Variants in DLG2 observed in about 807,000 individuals in gnomAD.
DLG2 encodes disks large homolog 2.
In DLG2, 45 loss-of-function variants were observed where a neutral mutation model predicts 132.5. That is an observed-to-expected ratio of 0.34 (90% confidence interval 0.27 to 0.44). The LOEUF (loss-of-function observed/expected upper bound fraction) is 0.44. Ranked by LOEUF, DLG2 falls within the 20% of genes least tolerant of loss-of-function variation. The pLI is 1.00. For missense variants in DLG2, 1,045 were observed against 1,196.9 expected (o/e 0.87, Z 1.87); for synonymous variants, 424 against 419.6 (o/e 1.01, Z -0.13).
rs545834526 is a variant in DLG2, at chr11:84,521,153, T to C, written c.519+13417A>G. Among the ~76,000 whole-genome samples, 3 of 152,302 alleles carry C rather than the reference T, an allele frequency of 2.0e-5. No homozygotes were observed. The South Asian group carries it at 6.2e-4, about 32-fold the overall frequency. ...ATCAATCTGATGCACACAGTTTAGT[T>C]GGAGAGATTTGGGATGAAGAGAGAG... On this transcript the variant is annotated intron_variant, in intron 7 of 27. Transcript: ENST00000376104.
At chr11:83,701,648 G>A (rs910344655) in intron 18 of DLG2, among the ~76,000 whole-genome samples, 7 of 152,260 alleles carry the variant, frequency 4.6e-5, no homozygotes, top group African/African-American at 1.4e-4. Flanking sequence ...AAAGGAAGTG[G>A]TTGATGTGGA....
At chr11:85,625,752 T>G (rs2081996087) in intron 2 of DLG2, among the ~76,000 whole-genome samples, 1 of 152,224 alleles carries the variant, frequency 6.6e-6, no homozygotes, top group Non-Finnish European at 1.5e-5. Context: ...CATATAAGTT[T>G]TGATTCAAAA....
rs192376747 is a variant in DLG2, at chr11:83,569,946, G to C, written c.1941-28088C>G. 7.5e-4 allele frequency among the ~76,000 whole-genome samples: 114 copies of C among 152,286 alleles called. 1 individual carries two copies. Among genetic ancestry groups the C allele is most frequent in the African/African-American group, 2.5e-3 (102 of 41,564 alleles). On this transcript the variant is annotated intron_variant, in intron 19 of 27. Coordinates refer to ENST00000376104, the MANE Select transcript of DLG2 (RefSeq NM_001142699.3). ...GGGACTAGCTTCATGAGGACATGTT[G>C]AATGAGAGTCAGACTTTCCATCACA... is the stretch of plus-strand genomic sequence containing the variant.
At chr11:84,982,188 T>C (rs565573380) in intron 6 of DLG2, among the ~76,000 whole-genome samples, 1 of 149,736 alleles carries the variant, frequency 6.7e-6, no homozygotes, top group East Asian at 2.0e-4. Flanking sequence ...ATTTCATAAA[T>C]CTATATAATT....
chr11:84,607,728 C>T (rs2099588303), intron 6 of DLG2, among the ~76,000 whole-genome samples: 1 of 151,904 alleles, frequency 6.6e-6, no homozygotes, highest in Non-Finnish European at 1.5e-5. Flanking sequence ...AGGTTATTCT[C>T]ATTTATCTAG....
chr11:85,428,237 G>A (rs544238365), intron 3 of DLG2, among the ~76,000 whole-genome samples: 15 of 152,198 alleles, frequency 9.9e-5, no homozygotes, highest in African/African-American at 3.4e-4. Flanking sequence ...AAGTTAACAA[G>A]GATATCCAGG....
At chr11:85,466,325 T>C (rs1214469182) in intron 3 of DLG2, among the ~76,000 whole-genome samples, 2 of 152,236 alleles carry the variant, frequency 1.3e-5, no homozygotes, top group Admixed American at 6.5e-5. Context: ...TTAGATCCTG[T>C]TTGTCAATTT....
chr11:84,148,168 T>C (rs1055109504), intron 9 of DLG2, among the ~76,000 whole-genome samples: 18 of 152,280 alleles, frequency 1.2e-4, no homozygotes, highest in Middle Eastern at 3.4e-3. Context: ...AAAAAAAATC[T>C]TCTAAATTTG....
At position 83,758,289 on chromosome 11, in the gene DLG2, G is replaced by A. The variant is rs74454572; in HGVS notation, c.1825+28401C>T. On this transcript the variant is annotated intron_variant, in intron 18 of 27. Transcript: ENST00000376104. ...CTTGGTCCCTTTTCAGGCCCCACAC[G>A]TCTTTCCACATCACATCCAATTACC... 2.7e-4 allele frequency among the ~76,000 whole-genome samples: 41 copies of A among 151,928 alleles called. 1 individual carries two copies. In the East Asian group the frequency reaches 7.0e-3, roughly 26 times the overall value.
chr11:84,831,525 C>T (rs1388374731), intron 6 of DLG2, among the ~76,000 whole-genome samples: 2 of 151,408 alleles, frequency 1.3e-5, no homozygotes, highest in African/African-American at 4.8e-5. Context: ...AATGAAGTCA[C>T]GAATATAAAC....
chr11:83,894,370 C>T (rs2070923312), intron 15 of DLG2, among the ~76,000 whole-genome samples: 1 of 152,132 alleles, frequency 6.6e-6, no homozygotes. Flanking sequence ...CAAAAATAGA[C>T]TGAACACTAT....
intron 19 of DLG2, among the ~76,000 whole-genome samples, chr11:83,578,042 T>G (rs1385510266): frequency 6.0e-5 from 8 of 132,490 alleles, no homozygotes; most frequent in African/African-American, 2.3e-4. Context: ...GGGGTTTATT[T>G]TGTGTGTGTG....
intron 17 of DLG2, among the ~76,000 whole-genome samples, chr11:83,831,420 C>A (rs1184242515): frequency 1.3e-5 from 2 of 151,990 alleles, no homozygotes; most frequent in African/African-American, 2.4e-5. Context: ...TGTGAGAGGA[C>A]CACAGTGACA....
intron 3 of DLG2, among the ~76,000 whole-genome samples, chr11:85,446,544 T>C (rs1171005167): frequency 6.6e-6 from 1 of 152,216 alleles, no homozygotes; most frequent in Non-Finnish European, 1.5e-5. Context: ...TAAATATCGA[T>C]CAGGTAAATG....
chr11:85,191,060 C>T (rs754253270), intron 4 of DLG2, among the ~76,000 whole-genome samples: 3 of 152,162 alleles, frequency 2.0e-5, no homozygotes, highest in Non-Finnish European at 2.9e-5. Flanking sequence ...AAGACACCTG[C>T]ACTCATATGT....
At chr11:83,581,970 T>TG in intron 19 of DLG2, among the ~76,000 whole-genome samples, 1 of 143,582 alleles carries the variant, frequency 7.0e-6, no homozygotes, top group African/African-American at 2.6e-5. Flanking sequence ...TTTTTTTTTT[T>TG]TTTGAGATGG....
chr11:83,506,462 A>AGTT (rs2094705125), intron 21 of DLG2, among the ~76,000 whole-genome samples: 1 of 152,148 alleles, frequency 6.6e-6, no homozygotes, highest in Non-Finnish European at 1.5e-5. Flanking sequence ...TCACACTCTC[A>AGTT]ACCTCCCTCT....
chr11:85,302,795 A>T (rs989553604), intron 3 of DLG2, among the ~76,000 whole-genome samples: 4 of 152,198 alleles, frequency 2.6e-5, no homozygotes, highest in African/African-American at 4.8e-5. Context: ...GTGGCTAATA[A>T]CAACAGCAGC....
At position 84,887,924 on chromosome 11, in the gene DLG2, A is replaced by T. The variant is rs1463114858; in HGVS notation, c.357+223737T>A. Among the ~76,000 whole-genome samples, 3 of 152,154 alleles carry T rather than the reference A, an allele frequency of 2.0e-5. 1 individual carries two copies. The South Asian group carries it at 6.2e-4, about 32-fold the overall frequency. ...CTAGTATCCACAATTACCCAGCTGCATTTAACTAATTTAAAGCTCCTCATA... is the reference window on the plus strand; with the variant it reads ...CTAGTATCCACAATTACCCAGCTGCTTTTAACTAATTTAAAGCTCCTCATA... On this transcript the variant is annotated intron_variant, in intron 6 of 27. Transcript: ENST00000376104.
Sources: gnomAD v4.1 joint callset for allele counts (sites outside exome capture counted in the v4.1 genomes callset) on GRCh38, gnomAD v4.1.1 for gene constraint, MANE v1.5 for transcripts, NCBI Gene and HGNC (gene_info 2026-07-23, HGNC 2026-07-21) for gene names.